Variants in GLIS1 observed in about 807,000 individuals in gnomAD.
The protein encoded by GLIS1 is GLIS family zinc finger 1, also known as zinc finger protein GLIS1.
GLIS1 carries 24 observed loss-of-function variants against 63.8 expected under a neutral mutation model. That is an observed-to-expected ratio of 0.38 (90% CI 0.27 to 0.53). The LOEUF (loss-of-function observed/expected upper bound fraction) is 0.53, where lower values mean the gene tolerates loss of function less well. Ranked by LOEUF, GLIS1 falls within the 20% of genes least tolerant of loss-of-function variation. The pLI is 0.85. For missense variants in GLIS1, 1,036 were observed against 1,074.1 expected (o/e 0.96, Z 0.50); for synonymous variants, 450 against 482.5 (o/e 0.93, Z 0.88).
chr1:53,530,836 G>T (rs1437867883), intron 4 of GLIS1, among the ~76,000 whole-genome samples: 1 of 152,188 alleles, frequency 6.6e-6, no homozygotes. Context: ...TCAGTGTGAT[G>T]AGCTGCTCCT....
chr1:53,667,141 C>T (rs1466349344), intron 2 of GLIS1, among the ~76,000 whole-genome samples: 1 of 152,250 alleles, frequency 6.6e-6, no homozygotes, highest in African/African-American at 2.4e-5. Context: ...ACTAAAAGCA[C>T]TTTGGGAACT....
intron 2 of GLIS1, among the ~76,000 whole-genome samples, chr1:53,675,918 C>A (rs1038372812): frequency 3.3e-5 from 5 of 150,936 alleles, no homozygotes; most frequent in Non-Finnish European, 5.9e-5. Context: ...CCCTACCTGG[C>A]CCAGAGAGAG....
At chr1:53,609,689 G>A (rs187833460) in intron 2 of GLIS1, among the ~76,000 whole-genome samples, 2 of 152,136 alleles carry the variant, frequency 1.3e-5, no homozygotes, top group African/African-American at 4.8e-5. Context: ...TTCTTCTATT[G>A]CAGTCTAATA....
intron 2 of GLIS1, among the ~76,000 whole-genome samples, chr1:53,636,045 C>G (rs1645718907): frequency 6.6e-6 from 1 of 152,168 alleles, no homozygotes; most frequent in Admixed American, 6.5e-5. Flanking sequence ...TTCTTATACT[C>G]ATTCTTCCAG....
rs1644617966 is a variant in GLIS1 at position 53,539,461 on chromosome 1, C to T, written c.1321-9509G>A. 6.6e-6 allele frequency among the ~76,000 whole-genome samples: 1 copy of T among 150,622 alleles called. No homozygotes were observed. Among genetic ancestry groups the T allele is most frequent in the African/African-American group, 2.4e-5 (1 of 40,896 alleles). Reference sequence around the variant, plus strand: ...CACACATCACAGCACACCCCCAATACATACACATCATACCTCCCACACACA... The same window carrying T: ...CACACATCACAGCACACCCCCAATATATACACATCATACCTCCCACACACA... On this transcript the variant is annotated intron_variant, in intron 4 of 10. Transcript: ENST00000628545. This position sits in a 1 kb window ranked among gnomAD's most constrained non-coding sequence, Gnocchi z 5.0.
chr1:53,512,504 G>A (rs1325059969), intron 8 of GLIS1, among the ~76,000 whole-genome samples: 4 of 152,166 alleles, frequency 2.6e-5, no homozygotes, highest in African/African-American at 9.7e-5. Context: ...CAAACCACTG[G>A]GGAGCCACGA....
chr1:53,584,186 T>C (rs557074178), intron 4 of GLIS1, among the ~76,000 whole-genome samples: 2 of 152,332 alleles, frequency 1.3e-5, no homozygotes, highest in East Asian at 3.9e-4. Flanking sequence ...ATCACAGTCC[T>C]GTGTACAACT....
At chr1:53,679,661 C>A (rs1046961377) in intron 2 of GLIS1, among the ~76,000 whole-genome samples, 31 of 152,250 alleles carry the variant, frequency 2.0e-4, no homozygotes, top group Non-Finnish European at 1.8e-4. Context: ...GAGATGAGAG[C>A]TCAAAGTCAG....
chr1:53,634,129 A>G (rs1645699381), intron 2 of GLIS1, among the ~76,000 whole-genome samples: 1 of 152,204 alleles, frequency 6.6e-6, no homozygotes, highest in South Asian at 2.1e-4. Flanking sequence ...CGATGGGAGA[A>G]GGAACGGGTT....
intron 2 of GLIS1, among the ~76,000 whole-genome samples, chr1:53,669,020 T>A (rs897851939): frequency 7.9e-5 from 12 of 152,280 alleles, no homozygotes; most frequent in African/African-American, 2.6e-4. Flanking sequence ...AACCCCCACA[T>A]GAGTCACCAA....
At chr1:53,543,517 C>G (rs3887589) in intron 4 of GLIS1, among the ~76,000 whole-genome samples, 1 of 152,096 alleles carries the variant, frequency 6.6e-6, no homozygotes, top group Non-Finnish European at 1.5e-5. Context: ...GATAGCAAAC[C>G]CCTGGCCCCT....
chr1:53,551,894 T>C (rs1218062713), intron 4 of GLIS1, among the ~76,000 whole-genome samples: 2 of 152,022 alleles, frequency 1.3e-5, no homozygotes, highest in Non-Finnish European at 2.9e-5. Flanking sequence ...CATATACTCC[T>C]TCTCCACACT....
chr1:53,618,546 G>C (rs1157144944), intron 2 of GLIS1, among the ~76,000 whole-genome samples: 2 of 152,316 alleles, frequency 1.3e-5, no homozygotes, highest in South Asian at 4.1e-4. Context: ...GCAGGCCTCT[G>C]TGAGGGGCAG....
At chr1:53,656,977 G>A (rs1430644063) in intron 2 of GLIS1, among the ~76,000 whole-genome samples, 1 of 151,988 alleles carries the variant, frequency 6.6e-6, no homozygotes, top group African/African-American at 2.4e-5. Context: ...TCCGGAGGGT[G>A]CAGGAGAGAG....
intron 2 of GLIS1, among the ~76,000 whole-genome samples, chr1:53,681,402 G>C (rs949059527): frequency 6.6e-6 from 1 of 152,218 alleles, no homozygotes; most frequent in Admixed American, 6.5e-5. Context: ...CTCACTGGCC[G>C]CCCTGCTCCC....
chr1:53,649,426 G>C (rs989713501), intron 2 of GLIS1, among the ~76,000 whole-genome samples: 8 of 152,220 alleles, frequency 5.3e-5, no homozygotes, highest in African/African-American at 1.9e-4. Flanking sequence ...ATCTCCGTGT[G>C]AGCAGTTCAC....
chr1:53,554,573 T>C (rs898156916), intron 4 of GLIS1, among the ~76,000 whole-genome samples: 12 of 152,250 alleles, frequency 7.9e-5, no homozygotes, highest in Admixed American at 2.6e-4. Context: ...ACAGGACTAG[T>C]CCGGAGGCTC....
rs139163392 is a variant in GLIS1, at chr1:53,598,477, G to T, written c.437+1624C>A. ...TTGAGCCTGGGAGGTGGAGGCTGCA[G>T]CGAGCCAACATTGTGCCACTGCACT... is the stretch of plus-strand genomic sequence containing the variant. On this transcript the variant is annotated intron_variant, in intron 3 of 10. Transcript: ENST00000628545. The surrounding 1 kb of genome is among the most constrained non-coding windows in gnomAD (Gnocchi z 4.6). 3.2e-4 allele frequency among the ~76,000 whole-genome samples: 48 copies of T among 152,156 alleles called. No individual in the cohort carries two copies. Among genetic ancestry groups the T allele is most frequent in the African/African-American group, 1.2e-3 (48 of 41,522 alleles).
chr1:53,523,138 T>C (rs1270433007), intron 6 of GLIS1, among the ~76,000 whole-genome samples: 2 of 151,896 alleles, frequency 1.3e-5, no homozygotes, highest in Non-Finnish European at 2.9e-5. Context: ...ATACAGGATA[T>C]GAAGCCCCAG....
Sources: gnomAD v4.1 joint callset for allele counts (sites outside exome capture counted in the v4.1 genomes callset) on GRCh38, gnomAD v4.1.1 for gene constraint, Gnocchi (gnomAD v3.1) non-coding constraint, MANE v1.5 for transcripts, NCBI Gene and HGNC (gene_info 2026-07-23, HGNC 2026-07-21) for gene names.